The following MBD5 variants were observed in gnomAD, a reference collection of about 807,000 sequenced individuals.
The protein encoded by MBD5 is methyl-CpG-binding domain protein 5.
In MBD5, 13 loss-of-function variants were observed where a neutral mutation model predicts 117.3. The observed-to-expected ratio is 0.11, with a 90% CI of 0.07 to 0.18. The LOEUF is 0.18. Ranked by LOEUF, MBD5 falls within the 10% of genes least tolerant of loss-of-function variation. MBD5 has a pLI of 1.00. For synonymous variants in MBD5, 727 were observed against 766.4 expected (o/e 0.95, Z 0.85); for missense variants, 1,879 against 2,093.8 (o/e 0.90, Z 2.00).
chr2:148,118,200 A>G (rs1696683891), intron 1 of MBD5, among the ~76,000 whole-genome samples: 1 of 152,212 alleles, frequency 6.6e-6, no homozygotes, highest in Non-Finnish European at 1.5e-5. Context: ...GACTAAAATG[A>G]TGGATGACAG....
At chr2:148,068,938 A>G (rs922506557) in intron 1 of MBD5, among the ~76,000 whole-genome samples, 2 of 152,226 alleles carry the variant, frequency 1.3e-5, no homozygotes, top group African/African-American at 4.8e-5. Flanking sequence ...ATTATAACCA[A>G]TAGGTGAGAG....
intron 1 of MBD5, among the ~76,000 whole-genome samples, chr2:148,057,019 ATAT>A (rs1694885254): frequency 6.6e-6 from 1 of 151,758 alleles, no homozygotes. Context: ...AAAGTTCTTA[ATAT>A]TCTCTTATTT....
intron 3 of MBD5, among the ~76,000 whole-genome samples, chr2:148,271,522 G>C (rs531961829): frequency 6.6e-6 from 1 of 152,154 alleles, no homozygotes; most frequent in East Asian, 1.9e-4. Context: ...GTTATTTCTA[G>C]TATAAAAGTT....
intron 4 of MBD5, among the ~76,000 whole-genome samples, chr2:148,411,956 G>C (rs750486750): frequency 6.6e-6 from 1 of 151,878 alleles, no homozygotes; most frequent in Admixed American, 6.6e-5. Context: ...CAAGGTTATT[G>C]GTTATCTTCC....
chr2:148,323,064 C>T (rs1447441373), intron 3 of MBD5, among the ~76,000 whole-genome samples: 2 of 150,704 alleles, frequency 1.3e-5, no homozygotes, highest in African/African-American at 4.9e-5. Flanking sequence ...TCTCATTGTA[C>T]AATTCCCACC....
At chr2:148,184,895 A>G (rs894064698) in intron 2 of MBD5, among the ~76,000 whole-genome samples, 3 of 152,120 alleles carry the variant, frequency 2.0e-5, no homozygotes, top group Non-Finnish European at 4.4e-5. Flanking sequence ...CTGCTTCACC[A>G]TCTCTCCGCT....
intron 4 of MBD5, among the ~76,000 whole-genome samples, chr2:148,424,803 T>G (rs1463254320): frequency 6.6e-6 from 1 of 151,864 alleles, no homozygotes; most frequent in Non-Finnish European, 1.5e-5. Context: ...ATAACGAAAT[T>G]AAGGCAGAAA....
At chr2:148,314,226 A>T (rs1702101742) in intron 3 of MBD5, among the ~76,000 whole-genome samples, 1 of 151,866 alleles carries the variant, frequency 6.6e-6, no homozygotes, top group South Asian at 2.1e-4. Flanking sequence ...ATTCCTACAG[A>T]CATACGCTTC....
intron 4 of MBD5, among the ~76,000 whole-genome samples, chr2:148,399,796 T>G (rs1704857976): frequency 6.6e-6 from 1 of 152,188 alleles, no homozygotes; most frequent in Non-Finnish European, 1.5e-5. Flanking sequence ...GGGTTTGTCA[T>G]AGATAACTCT....
intron 1 of MBD5, among the ~76,000 whole-genome samples, chr2:148,064,831 T>A (rs1441833703): frequency 6.6e-6 from 1 of 152,212 alleles, no homozygotes; most frequent in Non-Finnish European, 1.5e-5. Context: ...TCTTTAGTAA[T>A]TGATGTATGA....
At chr2:148,157,498 G>A (rs556603103) in intron 1 of MBD5, among the ~76,000 whole-genome samples, 3 of 152,232 alleles carry the variant, frequency 2.0e-5, no homozygotes, top group Admixed American at 1.3e-4. Context: ...GAGACCTTGA[G>A]CAGTGTCTCT....
chr2:148,183,683 A>G (rs1258359686), intron 2 of MBD5, among the ~76,000 whole-genome samples: 1 of 152,080 alleles, frequency 6.6e-6, no homozygotes, highest in Admixed American at 6.5e-5. Flanking sequence ...GTTGTTGGCT[A>G]TTTAAAAAAA....
intron 1 of MBD5, among the ~76,000 whole-genome samples, chr2:148,037,529 CAGTT>C (rs1038967042): frequency 1.9e-4 from 29 of 151,810 alleles, no homozygotes; most frequent in Admixed American, 3.3e-4. Flanking sequence ...TTAAATGAGA[CAGTT>C]AGAGACATCT....
chr2:148,032,640 C>T (rs1694072823), intron 1 of MBD5, among the ~76,000 whole-genome samples: 1 of 152,034 alleles, frequency 6.6e-6, no homozygotes, highest in East Asian at 1.9e-4. Flanking sequence ...TTTGTGTAGG[C>T]CAAGCTTTCC....
At chr2:148,216,477 C>T (rs1019083548) in intron 2 of MBD5, among the ~76,000 whole-genome samples, 1 of 152,156 alleles carries the variant, frequency 6.6e-6, no homozygotes, top group African/African-American at 2.4e-5. Flanking sequence ...GGTTTATTAG[C>T]ACCAACTTCA....
At chr2:148,200,572 G>T (rs1699109196) in intron 2 of MBD5, among the ~76,000 whole-genome samples, 1 of 151,790 alleles carries the variant, frequency 6.6e-6, no homozygotes, top group Non-Finnish European at 1.5e-5. Context: ...GGGCGCCTGT[G>T]GTCCCAGCTA....
chr2:148,107,344 G>C (rs1192620305), intron 1 of MBD5, among the ~76,000 whole-genome samples: 1 of 151,932 alleles, frequency 6.6e-6, no homozygotes, highest in Non-Finnish European at 1.5e-5. Flanking sequence ...ACTATGGTGT[G>C]TACAGTGTGT....
intron 1 of MBD5, among the ~76,000 whole-genome samples, chr2:148,040,653 A>G (rs1694330716): frequency 6.6e-6 from 1 of 152,186 alleles, no homozygotes; most frequent in Non-Finnish European, 1.5e-5. Context: ...TTTGATAACA[A>G]ACACAATTTA....
At chr2:148,472,901 C>T (rs1385885230) in intron 8 of MBD5, among the ~76,000 whole-genome samples, 3 of 152,108 alleles carry the variant, frequency 2.0e-5, no homozygotes, top group Non-Finnish European at 4.4e-5. Flanking sequence ...TTCAATTTTA[C>T]AGATCAGGAG....
Sources: gnomAD v4.1 joint callset for allele counts (sites outside exome capture counted in the v4.1 genomes callset) on GRCh38, gnomAD v4.1.1 for gene constraint, MANE v1.5 for transcripts, NCBI Gene and HGNC (gene_info 2026-07-23, HGNC 2026-07-21) for gene names.